CCDC88A: variants seen among roughly 807,000 people sequenced by gnomAD.
The protein encoded by CCDC88A is coiled-coil and HOOK domain protein 88A.
A neutral mutation model predicts 234.3 loss-of-function variants in CCDC88A; 54 were observed. The observed-to-expected ratio is 0.23, with a 90% confidence interval of 0.19 to 0.29. CCDC88A has a LOEUF of 0.29. Ranked by LOEUF, CCDC88A falls within the 10% of genes least tolerant of loss-of-function variation. The pLI, the probability that CCDC88A is intolerant of heterozygous loss-of-function variation, is 1.00. For missense variants in CCDC88A, 1,832 were observed against 2,123.4 expected (o/e 0.86, Z 2.70); for synonymous variants, 753 against 737.8 (o/e 1.02, Z -0.33).
chr2:55,354,890 T>G (rs1282771444), intron 8 of CCDC88A, among the ~76,000 whole-genome samples: 1 of 151,436 alleles, frequency 6.6e-6, no homozygotes, highest in East Asian at 1.9e-4. Flanking sequence ...TATAAGCATT[T>G]TTCTTTTCTT....
intron 13 of CCDC88A, 109 bp downstream of exon 13, chr2:55,339,355 G>A (rs1558697456): frequency 9.8e-7 from 1 of 1,023,676 alleles, no homozygotes. Flanking sequence ...TTCATAACAA[G>A]TTAAAATAAC....
chr2:55,398,165 T>G (rs1262377650), intron 2 of CCDC88A, among the ~76,000 whole-genome samples: 1 of 152,190 alleles, frequency 6.6e-6, no homozygotes, highest in Non-Finnish European at 1.5e-5. Context: ...ATCTATGAAA[T>G]AAGTACGTGG....
chr2:55,328,310 C>T lies in CCDC88A; in HGVS notation c.2981G>A (p.Arg994His), dbSNP rs373567227. The change falls in exon 17 of 33, where the codon CGC becomes CAC. Residue 994 changes from arginine to histidine, a missense_variant. By Grantham distance (29) the Arg-to-His change is conservative. This residue lies in a region of CCDC88A where 1,282 missense variants were observed against 1,543.6 expected (regional missense o/e 0.83). Coordinates refer to ENST00000436346, the MANE Select transcript of CCDC88A (RefSeq NM_001365480.1). The surrounding 1 kb of genome is among the most constrained non-coding windows in gnomAD (Gnocchi z 4.3). ...EESTNYNQQL[R>H]QELKTVKKNY... ...ATCACTTACTGTTTTAAGTTCTTGGCGCAATTGCTGGTTATAATTCGTGGA... is the reference window on the plus strand; with the variant it reads ...ATCACTTACTGTTTTAAGTTCTTGGTGCAATTGCTGGTTATAATTCGTGGA... The T allele has an allele frequency of 1.9e-5, 31 of 1,590,164 alleles. No individual in the cohort carries two copies. Among genetic ancestry groups the T allele is most frequent in the South Asian group, 5.9e-5 (5 of 85,056 alleles).
chr2:55,334,533 A>G lies in CCDC88A; in HGVS notation c.2288T>C (p.Ile763Thr), dbSNP rs144813819. ...AGTTTTTTGCAGTCTTTGATTTTCT[A>G]TATCTAAACCCTGGTAGCTAACTTC... ...RLEVSYQGLDIENQRLQKTLE... is the reference protein window; with the variant it reads ...RLEVSYQGLDTENQRLQKTLE... Residue 763 changes from isoleucine to threonine, a missense_variant, in exon 15 of 33, where the codon ATA becomes ACA. This residue lies in a region of CCDC88A where 1,282 missense variants were observed against 1,543.6 expected (regional missense o/e 0.83). Coordinates refer to ENST00000436346, the MANE Select transcript of CCDC88A (RefSeq NM_001365480.1). The surrounding 1 kb of genome is among the most constrained non-coding windows in gnomAD (Gnocchi z 6.1). 398 of 1,611,448 alleles carry G rather than the reference A, an allele frequency of 2.5e-4. No individual in the cohort carries two copies. The highest frequency in any genetic ancestry group is 3.5e-4 in the Admixed American group (21 of 59,898).
Position 55,363,955 on chromosome 2 carries a change from G to C in CCDC88A, c.481C>G (p.Gln161Glu), listed in dbSNP as rs756301342. The change falls in exon 6 of 33, where the codon CAA becomes GAA. Residue 161 changes from glutamine (Q) to glutamate (E), a missense_variant. By Grantham distance (29) the Gln-to-Glu change is conservative (BLOSUM62 2). Coordinates refer to ENST00000436346, the MANE Select transcript of CCDC88A (RefSeq NM_001365480.1). ...AATTGTATATATGTCATTACCTCTT[G>C]AATATGTGCGGCAACCGCTGCTTTT... ...DTKAAVAAHI[Q>E]EVTHNQENVF... 1 of 1,578,428 alleles carries C rather than the reference G, an allele frequency of 6.3e-7. No individual in the cohort carries two copies. Among genetic ancestry groups the C allele is most frequent in the Non-Finnish European group, 8.7e-7 (1 of 1,152,564 alleles).
At chr2:55,390,369 T>C (rs528588413) in intron 2 of CCDC88A, among the ~76,000 whole-genome samples, 5 of 152,190 alleles carry the variant, frequency 3.3e-5, no homozygotes, top group East Asian at 1.9e-4. Context: ...TGAGAACCAC[T>C]GCTTCAACTA....
At chr2:55,409,890 G>A (rs1352535304) in intron 2 of CCDC88A, among the ~76,000 whole-genome samples, 1 of 151,878 alleles carries the variant, frequency 6.6e-6, no homozygotes, top group Non-Finnish European at 1.5e-5. Context: ...ACAGGGGCCC[G>A]CCAACATGCC....
intron 2 of CCDC88A, among the ~76,000 whole-genome samples, chr2:55,408,118 T>C (rs1177353668): frequency 6.6e-6 from 1 of 152,094 alleles, no homozygotes; most frequent in Non-Finnish European, 1.5e-5. Flanking sequence ...TTCTCCACTT[T>C]ACGTATCTTC....
chr2:55,384,664 TATA>T lies in CCDC88A; in HGVS notation c.273+4111_273+4113del, dbSNP rs779713003. 3.6e-4 allele frequency among the ~76,000 whole-genome samples: 40 copies of T among 110,306 alleles called. 12 individuals carry two copies. The highest frequency in any genetic ancestry group is 5.3e-4 in the South Asian group (2 of 3,788). The allele number at this position is 110,306 out of a possible 152,430, so 72.4% of individuals were successfully genotyped here. ...GTGTATATATACATATATATATATA[TATA>T]TTTTTTAAAGACAGAGTCTCGCTCT... On this transcript the variant is annotated intron_variant, in intron 3 of 32. Transcript: ENST00000436346.
At chr2:55,391,088 T>G (rs919157865) in intron 2 of CCDC88A, among the ~76,000 whole-genome samples, 2 of 152,192 alleles carry the variant, frequency 1.3e-5, no homozygotes, top group African/African-American at 2.4e-5. Context: ...AGCTGTAAGC[T>G]AAACAATTCT....
chr2:55,337,441 TC>T (rs1667936579), intron 13 of CCDC88A: 1 of 152,172 alleles, frequency 6.6e-6, no homozygotes, highest in Admixed American at 6.5e-5. Context: ...CTATTGATTT[TC>T]CCATTATCAT....
Position 55,336,778 on chromosome 2 carries a change from CTT to C in CCDC88A, c.1557_1558del (p.Leu521SerfsTer18). 6.3e-7 allele frequency: 1 copy of C among 1,585,312 alleles called. No individual in the cohort carries two copies. Among genetic ancestry groups the C allele is most frequent in the Non-Finnish European group, 8.6e-7 (1 of 1,160,468 alleles). On this transcript the variant is annotated frameshift_variant, in exon 14 of 33. Coordinates refer to ENST00000436346, the MANE Select transcript of CCDC88A (RefSeq NM_001365480.1). LOFTEE classifies it high-confidence loss of function. ...GCTTAAATTCTGACAATTCTGAAGA[CTT>C]TGCTTTTCTTGAACAATCTCATTTT...
chr2:55,295,761 C>T lies in CCDC88A; in HGVS notation c.5387G>A (p.Ser1796Asn), dbSNP rs1420846286. The stretch of plus-strand genomic sequence containing the variant: ...ACGAGGTAAAGTTGCATAAGGGTTA[C>T]TATCTTTTGATTGTCGTGACAGAGA... ...ESSLSRQSKD[S>N]NPYATLPRAS... The change falls in exon 31 of 33, where the codon AGT becomes AAT. Residue 1796 changes from serine (S) to asparagine (N), a missense_variant. Physicochemically the swap from Ser to Asn is conservative, Grantham distance 46. This residue lies in a region of CCDC88A where 422 missense variants were observed against 416.5 expected (regional missense o/e 1.01). Transcript: ENST00000436346. 6.2e-7 allele frequency: 1 copy of T among 1,614,210 alleles called. No homozygotes were observed. Among genetic ancestry groups the T allele is most frequent in the Non-Finnish European group, 8.5e-7 (1 of 1,180,048 alleles).
chr2:55,315,693 C>T (rs945751206), intron 22 of CCDC88A, among the ~76,000 whole-genome samples: 2 of 152,080 alleles, frequency 1.3e-5, no homozygotes, highest in East Asian at 1.9e-4. Context: ...AATAATTTTA[C>T]AATTTTCAAA....
intron 2 of CCDC88A, among the ~76,000 whole-genome samples, chr2:55,416,584 C>T (rs2105009579): frequency 6.7e-6 from 1 of 148,652 alleles, no homozygotes; most frequent in East Asian, 2.0e-4. Context: ...ATTCCAAGCA[C>T]AAGAAACATG....
chr2:55,402,089 A>G (rs990110548), intron 2 of CCDC88A, among the ~76,000 whole-genome samples: 9 of 152,046 alleles, frequency 5.9e-5, no homozygotes, highest in Admixed American at 4.6e-4. Context: ...TACTCTTTAA[A>G]ATTATTGCAG....
At chr2:55,388,648 T>C (rs1461380859) in intron 3 of CCDC88A, 130 bp downstream of exon 3, 1 of 498,920 alleles carries the variant, frequency 2.0e-6, no homozygotes, top group Non-Finnish European at 3.6e-6. Context: ...TATTTACTAC[T>C]CTAACTCTAG....
At chr2:55,409,134 A>C (rs181871686) in intron 2 of CCDC88A, among the ~76,000 whole-genome samples, 1 of 152,172 alleles carries the variant, frequency 6.6e-6, no homozygotes, top group Non-Finnish European at 1.5e-5. Context: ...CCTGCATGAC[A>C]ATACTTGTAT....
At chr2:55,416,429 TAAATAAATAAATAA>T (rs1338652705) in intron 2 of CCDC88A, among the ~76,000 whole-genome samples, 1,956 of 24,368 alleles carry the variant, frequency 0.08, 110 homozygotes, top group East Asian at 0.16. Context: ...AGAGGTCAAA[TAAATAAATAAATAA>T]ATATATATAT....
Sources: allele counts gnomAD v4.1 joint callset (sites outside exome capture counted in the v4.1 genomes callset), GRCh38; gene constraint gnomAD v4.1.1; regional missense constraint gnomAD v4.1.1; non-coding constraint Gnocchi (gnomAD v3.1); transcripts MANE v1.5; gene names NCBI Gene and HGNC (gene_info 2026-07-23, HGNC 2026-07-21).